Variants in C12orf54 observed in about 807,000 individuals in gnomAD.
C12orf54 encodes uncharacterized protein C12orf54.
In C12orf54, 24 loss-of-function variants were observed where a neutral mutation model predicts 26.4. The observed-to-expected ratio is 0.91, with a 90% CI of 0.66 to 1.28. The LOEUF is 1.28. Ranked by LOEUF, C12orf54 falls within the 50% of genes most tolerant of loss-of-function variation. The probability of loss-of-function intolerance (pLI) is 0.00; values close to 1 mark genes in which losing one functional copy is unlikely to be tolerated. For synonymous variants in C12orf54, 54 were observed against 47.0 expected (o/e 1.15, Z -0.61); for missense variants, 154 against 150.9 (o/e 1.02, Z -0.11).
the C12orf54 span, among the ~76,000 whole-genome samples, chr12:48,469,520 A>C: frequency 1.4e-5 from 2 of 147,282 alleles, no homozygotes; most frequent in African/African-American, 4.9e-5. Context: ...TTATTCAAGC[A>C]CACATGTTTT....
chr12:48,474,696 G>A, the C12orf54 span, among the ~76,000 whole-genome samples: 3 of 152,390 alleles, frequency 2.0e-5, no homozygotes, highest in East Asian at 5.8e-4. Flanking sequence ...CTGCGGGAGG[G>A]GCGCCCGCCA....
At chr12:48,468,108 G>C in the C12orf54 span, among the ~76,000 whole-genome samples, 2 of 152,142 alleles carry the variant, frequency 1.3e-5, no homozygotes, top group Admixed American at 1.3e-4. Context: ...CCCTCATGAA[G>C]CTTACATTCC....
the C12orf54 span, among the ~76,000 whole-genome samples, chr12:48,441,704 A>C: frequency 6.6e-6 from 1 of 152,206 alleles, no homozygotes; most frequent in South Asian, 2.1e-4. Flanking sequence ...AATGTTTACC[A>C]TACTGTGTAT....
the C12orf54 span, among the ~76,000 whole-genome samples, chr12:48,425,604 T>C: frequency 6.6e-6 from 1 of 152,108 alleles, no homozygotes; most frequent in Non-Finnish European, 1.5e-5. Context: ...GTAGTGGATT[T>C]CTGTTTCAAA....
the C12orf54 span, among the ~76,000 whole-genome samples, chr12:48,474,602 A>G: frequency 6.6e-6 from 1 of 152,238 alleles, no homozygotes; most frequent in Non-Finnish European, 1.5e-5. Context: ...TATCCCACAC[A>G]TGGCTCGGAG....
the C12orf54 span, among the ~76,000 whole-genome samples, chr12:48,438,598 A>G: frequency 5.9e-5 from 9 of 152,222 alleles, no homozygotes; most frequent in African/African-American, 2.2e-4. Context: ...AGAAATAATG[A>G]TGCATATCTA....
the C12orf54 span, among the ~76,000 whole-genome samples, chr12:48,456,594 A>G: frequency 1.3e-4 from 20 of 152,156 alleles, no homozygotes; most frequent in Non-Finnish European, 2.6e-4. Context: ...GACCTTGGGA[A>G]AGCTATTTCT....
the C12orf54 span, among the ~76,000 whole-genome samples, chr12:48,446,266 AG>A: frequency 1.3e-5 from 2 of 152,224 alleles, no homozygotes; most frequent in Non-Finnish European, 2.9e-5. Context: ...CAAAAGCTCC[AG>A]GAAGTAAAGA....
chr12:48,479,888 G>A (rs927653149), upstream of C12orf54, among the ~76,000 whole-genome samples: 4 of 151,956 alleles, frequency 2.6e-5, no homozygotes, highest in Non-Finnish European at 4.4e-5. Flanking sequence ...AATTTTTTGG[G>A]GGATGGCTTC....
chr12:48,436,166 C>T, the C12orf54 span, among the ~76,000 whole-genome samples: 4 of 152,120 alleles, frequency 2.6e-5, no homozygotes, highest in South Asian at 8.3e-4. Context: ...AAAACAAGCC[C>T]ATTACATAAT....
chr12:48,426,515 C>T, the C12orf54 span, among the ~76,000 whole-genome samples: 1 of 152,044 alleles, frequency 6.6e-6, no homozygotes, highest in Admixed American at 6.6e-5. Context: ...GGTCAGCTAG[C>T]ATGATGCCTC....
the C12orf54 span, among the ~76,000 whole-genome samples, chr12:48,439,043 T>C: frequency 1.8e-3 from 276 of 151,872 alleles, no homozygotes; most frequent in African/African-American, 6.1e-3. Context: ...TACAATGAAC[T>C]CAAACAAATT....
the C12orf54 span, among the ~76,000 whole-genome samples, chr12:48,422,266 G>A: frequency 6.6e-6 from 1 of 152,162 alleles, no homozygotes; most frequent in Non-Finnish European, 1.5e-5. Flanking sequence ...TGCTACTGCT[G>A]ACTGCAGGAC....
intron 6 of C12orf54, among the ~76,000 whole-genome samples, chr12:48,492,675 G>A (rs190109663): frequency 2.6e-5 from 4 of 152,276 alleles, no homozygotes; most frequent in South Asian, 2.1e-4. Context: ...CAGTGGCAGC[G>A]CCCTGGGATG....
the C12orf54 span, among the ~76,000 whole-genome samples, chr12:48,430,915 C>T: frequency 5.3e-5 from 8 of 150,226 alleles, no homozygotes; most frequent in South Asian, 4.2e-4. Flanking sequence ...CATCAATCAA[C>T]GAGTGGGTAA....
chr12:48,432,677 C>T, the C12orf54 span, among the ~76,000 whole-genome samples: 1 of 152,184 alleles, frequency 6.6e-6, no homozygotes, highest in Admixed American at 6.5e-5. Context: ...CAAGTCCAGC[C>T]TGGCCAACAT....
the C12orf54 span, among the ~76,000 whole-genome samples, chr12:48,460,873 G>T: frequency 6.6e-6 from 1 of 151,890 alleles, no homozygotes; most frequent in Non-Finnish European, 1.5e-5. Context: ...AGGAACAAGG[G>T]AACAAAGAAT....
At chr12:48,436,379 G>A in the C12orf54 span, among the ~76,000 whole-genome samples, 2 of 152,104 alleles carry the variant, frequency 1.3e-5, no homozygotes, top group Admixed American at 1.3e-4. Flanking sequence ...GGATATCCAG[G>A]TATTGAACTC....
At chr12:48,435,207 G>C in the C12orf54 span, among the ~76,000 whole-genome samples, 3 of 152,092 alleles carry the variant, frequency 2.0e-5, no homozygotes, top group Admixed American at 2.0e-4. Context: ...GAGAAGTTTA[G>C]AGAAAAAAGA....
Sources: allele counts gnomAD v4.1 joint callset (sites outside exome capture counted in the v4.1 genomes callset), GRCh38; gene constraint gnomAD v4.1.1; transcripts MANE v1.5; gene names NCBI Gene and HGNC (gene_info 2026-07-23, HGNC 2026-07-21).